The following CLEC3B variants were observed in gnomAD, a reference collection of about 807,000 sequenced individuals.
The protein encoded by CLEC3B is C-type lectin domain family 3 member B, also known as tetranectin.
Under a neutral mutation model 15.4 loss-of-function variants are expected in CLEC3B, and 13 were observed. The ratio of observed to expected loss-of-function variants is 0.84; its 90% CI spans 0.55 to 1.34. The LOEUF (loss-of-function observed/expected upper bound fraction) is 1.34. CLEC3B is among the 40% of genes most tolerant of loss of function. CLEC3B has a pLI of 0.00. For synonymous variants in CLEC3B, 112 were observed against 114.7 expected (o/e 0.98, Z 0.15); for missense variants, 242 against 268.6 (o/e 0.90, Z 0.69).
Position 45,036,004 on chromosome 3 carries a change from C to T in CLEC3B, c.*80C>T, listed in dbSNP as rs572302863. ...CGGGAGGAGGGTGGGGACCTTGCAG[C>T]CCCCATCCTCTCCGTGCGCTTGGAG... is the stretch of plus-strand genomic sequence containing the variant. On this transcript the variant is annotated 3_prime_UTR_variant, in exon 3 of 3. Coordinates refer to ENST00000296130, the MANE Select transcript of CLEC3B (RefSeq NM_003278.3). The T allele has an allele frequency of 1.2e-5, 17 of 1,383,076 alleles. No homozygotes were observed. The African/African-American group carries it at 2.3e-4, about 19-fold the overall frequency. 85.7% of individuals were successfully genotyped at this position (1,383,076 alleles called of 1,614,324 possible).
intron 1 of CLEC3B, among the ~76,000 whole-genome samples, chr3:45,029,646 C>T (rs2125979676): frequency 6.6e-6 from 1 of 152,306 alleles, no homozygotes; most frequent in African/African-American, 2.4e-5. Flanking sequence ...TGATCTCACT[C>T]TTTGTGAGTG....
chr3:45,035,971 CG>C lies in CLEC3B; in HGVS notation c.*50del, dbSNP rs757045188. 2.5e-6 allele frequency: 3 copies of C among 1,198,434 alleles called. No individual in the cohort carries two copies. Among genetic ancestry groups the C allele is most frequent in the Non-Finnish European group, 3.5e-6 (3 of 864,328 alleles). The allele number at this position is 1,198,434 out of a possible 1,614,324, so 74.2% of individuals were successfully genotyped here. Reference sequence around the variant, plus strand: ...GGGGCCTGGAGGAGGGCAGGGGCCGCGGGAGGCCGGGAGGAGGGTGGGGACC... The same window carrying C: ...GGGGCCTGGAGGAGGGCAGGGGCCGCGGAGGCCGGGAGGAGGGTGGGGACC... On this transcript the variant is annotated 3_prime_UTR_variant, in exon 3 of 3. Transcript: ENST00000296130.
chr3:45,026,860 G>A (rs1173928912), intron 1 of CLEC3B, among the ~76,000 whole-genome samples: 1 of 152,068 alleles, frequency 6.6e-6, no homozygotes, highest in African/African-American at 2.4e-5. Context: ...TGGGGACAGT[G>A]GTATTTGTTC....
At chr3:45,030,103 G>A in intron 1 of CLEC3B, 2 of 875,358 alleles carry the variant, frequency 2.3e-6, no homozygotes, top group Non-Finnish European at 2.7e-6. Flanking sequence ...GGTTGATTAT[G>A]AGCATCACAT....
chr3:45,029,196 A>G (rs1319663978), intron 1 of CLEC3B, among the ~76,000 whole-genome samples: 1 of 152,260 alleles, frequency 6.6e-6, no homozygotes, highest in Non-Finnish European at 1.5e-5. Context: ...CAGTCCCTGG[A>G]GGAAACTTTG....
intron 2 of CLEC3B, among the ~76,000 whole-genome samples, chr3:45,034,008 G>A (rs946346784): frequency 6.6e-6 from 1 of 152,214 alleles, no homozygotes; most frequent in African/African-American, 2.4e-5. Context: ...TGACCCTTCG[G>A]CACTGTCCTG....
At chr3:45,034,907 G>C (rs1163756301) in intron 2 of CLEC3B, among the ~76,000 whole-genome samples, 1 of 152,194 alleles carries the variant, frequency 6.6e-6, no homozygotes, top group Non-Finnish European at 1.5e-5. Context: ...TTTGGGTAGG[G>C]ATTTGGGGCC....
At position 45,035,707 on chromosome 3, in the gene CLEC3B, T is replaced by C; in HGVS notation, c.392T>C (p.Ile131Thr). The change falls in exon 3 of 3, where the codon ATC (isoleucine) becomes ACC (threonine). Residue 131 changes from isoleucine to threonine, a missense_variant. By Grantham distance (89) the Ile-to-Thr change is moderately conservative. Transcript: ENST00000296130. ...CAGAGCGTGGGCAACGAGGCCGAGA[T>C]CTGGCTGGGCCTCAACGACATGGCG... ...LRQSVGNEAE[I>T]WLGLNDMAAE... 6.2e-7 allele frequency: 1 copy of C among 1,613,766 alleles called. No individual in the cohort carries two copies. The highest frequency in any genetic ancestry group is 8.5e-7 in the Non-Finnish European group (1 of 1,179,990).
chr3:45,030,314 A>G, intron 1 of CLEC3B: 1 of 770,964 alleles, frequency 1.3e-6, no homozygotes, highest in African/African-American at 1.9e-5. Context: ...TCCACTTCAT[A>G]CATGAGGGAA....
Position 45,035,604 on chromosome 3 carries a change from G to C in CLEC3B, c.289G>C (p.Asp97His). 1 of 1,614,138 alleles carries C rather than the reference G, an allele frequency of 6.2e-7. No homozygotes were observed. Among genetic ancestry groups the C allele is most frequent in the Admixed American group, 1.7e-5 (1 of 60,034 alleles). ...QTKTFHEASEDCISRGGTLGT... is the reference protein window; with the variant it reads ...QTKTFHEASEHCISRGGTLGT... ...GAAGACCTTCCACGAGGCCAGCGAG[G>C]ACTGCATCTCGCGCGGGGGCACCCT... is the stretch of plus-strand genomic sequence containing the variant. The change falls in exon 3 of 3, where the codon GAC becomes CAC. Residue 97 changes from aspartate to histidine, a missense_variant. By Grantham distance (81) the Asp-to-His change is moderately conservative (BLOSUM62 -1). Coordinates refer to ENST00000296130, the MANE Select transcript of CLEC3B (RefSeq NM_003278.3).
chr3:45,033,523 ATC>A (rs1697595300), intron 2 of CLEC3B, among the ~76,000 whole-genome samples: 1 of 152,174 alleles, frequency 6.6e-6, no homozygotes, highest in East Asian at 1.9e-4. Context: ...CACCTGGTAC[ATC>A]TCTGCCAGGC....
rs928673241 is a variant in CLEC3B, at chr3:45,026,309, G to T, written c.-54G>T. The T allele has an allele frequency of 5.0e-5, 74 of 1,483,194 alleles. No individual in the cohort carries two copies. The highest frequency in any genetic ancestry group is 1.2e-5 in the Non-Finnish European group (13 of 1,070,358). The allele number at this position is 1,483,194 out of a possible 1,614,324, so 91.9% of individuals were successfully genotyped here. A position where few individuals can be genotyped will look rare whatever the true frequency, so the allele number is the denominator to read the frequency against. ...TGCAGCCTGGGCCGTGGCTGTCACT[G>T]CGTTCGGACCCAGACCCGCTGCAGG... On this transcript the variant is annotated 5_prime_UTR_variant, in exon 1 of 3. Coordinates refer to ENST00000296130, the MANE Select transcript of CLEC3B (RefSeq NM_003278.3).
chr3:45,034,078 C>T (rs1168608735), intron 2 of CLEC3B, among the ~76,000 whole-genome samples: 1 of 152,154 alleles, frequency 6.6e-6, no homozygotes, highest in Admixed American at 6.5e-5. Context: ...GGGAGGGGCA[C>T]GGCCTTGGAA....
chr3:45,026,407 C>G lies in CLEC3B; in HGVS notation c.45C>G (p.Leu15=), dbSNP rs374914988. 3.7e-6 allele frequency: 6 copies of G among 1,614,026 alleles called. No homozygotes were observed. The highest frequency in any genetic ancestry group is 1.7e-6 in the Non-Finnish European group (2 of 1,180,038). Residue 15 remains leucine, a synonymous_variant, in exon 1 of 3, where the codon CTC becomes CTG. Coordinates refer to ENST00000296130, the MANE Select transcript of CLEC3B (RefSeq NM_003278.3). Reference sequence around the variant, plus strand: ...ACCTCCTCCTCTGCCTCTTCTCCCTCCTGACCCAGGTCACCACCGAGCCAC... The same window carrying G: ...ACCTCCTCCTCTGCCTCTTCTCCCTGCTGACCCAGGTCACCACCGAGCCAC... The part of the protein sequence containing the change: ...GAYLLLCLFS[L]LTQVTTEPPT...
chr3:45,035,425 CG>C (rs1697624210), intron 2 of CLEC3B, 98 bp from the exon 3 acceptor site: 1 of 1,473,840 alleles, frequency 6.8e-7, no homozygotes. Context: ...ATGGGATAAA[CG>C]GGATGGGATG....
intron 2 of CLEC3B, among the ~76,000 whole-genome samples, chr3:45,034,007 G>A (rs9868885): frequency 0.49 from 74,129 of 152,044 alleles, 18,890 homozygotes; most frequent in East Asian, 0.87. Context: ...ATGACCCTTC[G>A]GCACTGTCCT....
intron 2 of CLEC3B, 65 bp downstream of exon 2, chr3:45,030,990 G>A (rs1360657014): frequency 7.8e-6 from 9 of 1,148,212 alleles, no homozygotes; most frequent in South Asian, 1.4e-5. Context: ...CCAGCAGCCA[G>A]CAATGCTCTT....
chr3:45,035,173 G>A (rs755011386), intron 2 of CLEC3B, among the ~76,000 whole-genome samples: 6 of 152,236 alleles, frequency 3.9e-5, no homozygotes, highest in Non-Finnish European at 7.3e-5. Flanking sequence ...CAGCCTCTGT[G>A]ACCCAAGGAG....
At chr3:45,030,980 C>A (rs1697546104) in intron 2 of CLEC3B, 55 bp downstream of exon 2, 2 of 1,221,718 alleles carry the variant, frequency 1.6e-6, no homozygotes, top group South Asian at 1.3e-5. Flanking sequence ...AGGGCCCAGG[C>A]CAGCAGCCAG....
Sources: gnomAD v4.1 joint callset for allele counts (sites outside exome capture counted in the v4.1 genomes callset) on GRCh38, gnomAD v4.1.1 for gene constraint, MANE v1.5 for transcripts, NCBI Gene and HGNC (gene_info 2026-07-23, HGNC 2026-07-21) for gene names.